The following ADAM12 variants were observed in gnomAD, a reference collection of about 807,000 sequenced individuals.
ADAM12 encodes disintegrin and metalloproteinase domain-containing protein 12.
ADAM12 carries 70 observed loss-of-function variants against 106.4 expected under a neutral mutation model. The observed-to-expected ratio is 0.66, with a 90% CI of 0.54 to 0.80. The LOEUF is 0.80. Ranked by LOEUF, ADAM12 falls within the 30% of genes least tolerant of loss-of-function variation. The pLI, the probability that ADAM12 is intolerant of heterozygous loss-of-function variation, is 0.00. For missense variants in ADAM12, 1,010 were observed against 1,171.9 expected, an observed-to-expected ratio of 0.86 and a Z score of 2.02; for synonymous variants, 420 against 433.5, an observed-to-expected ratio of 0.97 and a Z score of 0.39.
intron 2 of ADAM12, among the ~76,000 whole-genome samples, chr10:126,293,338 A>G (rs557805947): frequency 6.6e-6 from 1 of 151,676 alleles, no homozygotes; most frequent in Non-Finnish European, 1.5e-5. Flanking sequence ...GCCCTATGGG[A>G]TCCACACATG....
At chr10:126,194,195 G>A (rs559262265) in intron 3 of ADAM12, among the ~76,000 whole-genome samples, 1 of 150,408 alleles carries the variant, frequency 6.6e-6, no homozygotes, top group Admixed American at 6.7e-5. Flanking sequence ...AAACTTTGGA[G>A]TGGCTCAGTT....
intron 3 of ADAM12, among the ~76,000 whole-genome samples, chr10:126,276,361 C>T (rs1305239684): frequency 6.6e-6 from 1 of 152,164 alleles, no homozygotes; most frequent in Admixed American, 6.6e-5. Context: ...GGGCCAATGG[C>T]TATGCAAATT....
chr10:126,116,647 C>T (rs180902627), intron 6 of ADAM12, among the ~76,000 whole-genome samples: 259 of 151,782 alleles, frequency 1.7e-3, no homozygotes, highest in Non-Finnish European at 3.3e-3. Flanking sequence ...GGGCAGGAAA[C>T]GAAAAAGAGG....
chr10:126,248,685 G>GTATTTATTTATTTATT (rs141233066), intron 3 of ADAM12, among the ~76,000 whole-genome samples: 8 of 67,096 alleles, frequency 1.2e-4, no homozygotes, highest in African/African-American at 5.3e-4. Context: ...ATGTATGTAT[G>GTATTTATTTATTTATT]TATTTATTTA....
At chr10:126,381,201 A>T (rs973858298) in intron 1 of ADAM12, among the ~76,000 whole-genome samples, 1 of 152,244 alleles carries the variant, frequency 6.6e-6, no homozygotes, top group African/African-American at 2.4e-5. Context: ...GAAAGTGCCA[A>T]ATGACAAGTG....
chr10:126,179,214 G>A (rs1957271878), intron 3 of ADAM12, among the ~76,000 whole-genome samples: 1 of 152,200 alleles, frequency 6.6e-6, no homozygotes, highest in Non-Finnish European at 1.5e-5. Flanking sequence ...AGTGAAGCGG[G>A]TTAGCTGCTC....
chr10:126,360,465 AC>A (rs1855704893), intron 1 of ADAM12, among the ~76,000 whole-genome samples: 1 of 152,130 alleles, frequency 6.6e-6, no homozygotes, highest in African/African-American at 2.4e-5. Flanking sequence ...TCCTCCAGAT[AC>A]CCTAAATCAT....
chr10:126,045,964 A>T, intron 17 of ADAM12, 91 bp downstream of exon 17: 3 of 1,163,922 alleles, frequency 2.6e-6, no homozygotes, highest in Non-Finnish European at 3.9e-6. Flanking sequence ...TATTTAAAAA[A>T]TGCTATGGAT....
intron 1 of ADAM12, among the ~76,000 whole-genome samples, chr10:126,331,466 C>CAGTT (rs1430247649): frequency 2.0e-5 from 3 of 152,178 alleles, no homozygotes; most frequent in Non-Finnish European, 2.9e-5. Context: ...AGACATTTTA[C>CAGTT]AGTTCCCCAA....
At chr10:126,334,152 G>A (rs1358117135) in intron 1 of ADAM12, among the ~76,000 whole-genome samples, 1 of 152,130 alleles carries the variant, frequency 6.6e-6, no homozygotes, top group Non-Finnish European at 1.5e-5. Context: ...CAGCTGTGAG[G>A]TATCAGAATA....
chr10:126,151,575 T>G (rs903955163), intron 4 of ADAM12, among the ~76,000 whole-genome samples: 1 of 152,128 alleles, frequency 6.6e-6, no homozygotes, highest in Non-Finnish European at 1.5e-5. Flanking sequence ...ATTTTGTGCA[T>G]GCTCTTTTTC....
intron 3 of ADAM12, among the ~76,000 whole-genome samples, chr10:126,201,567 C>T (rs533421835): frequency 8.5e-5 from 13 of 152,206 alleles, no homozygotes; most frequent in African/African-American, 2.2e-4. Context: ...TCCAGAGCTG[C>T]GAGAGACCGA....
At chr10:126,192,844 T>G (rs1307406806) in intron 3 of ADAM12, among the ~76,000 whole-genome samples, 1 of 152,258 alleles carries the variant, frequency 6.6e-6, no homozygotes, top group African/African-American at 2.4e-5. Context: ...TTGACTGGTC[T>G]AGAGCTGCGG....
intron 2 of ADAM12, among the ~76,000 whole-genome samples, chr10:126,311,013 CCT>C (rs1257353151): frequency 6.6e-6 from 1 of 151,792 alleles, no homozygotes. Flanking sequence ...TAGGATGCCT[CCT>C]CTGAGCTGAG....
chr10:126,305,262 CAAT>C (rs368433472), intron 2 of ADAM12, among the ~76,000 whole-genome samples: 4 of 152,040 alleles, frequency 2.6e-5, no homozygotes, highest in African/African-American at 7.2e-5. Context: ...GAATATCCAA[CAAT>C]GAGTTACTAC....
At chr10:126,355,422 A>G (rs1377473543) in intron 1 of ADAM12, among the ~76,000 whole-genome samples, 1 of 152,236 alleles carries the variant, frequency 6.6e-6, no homozygotes, top group Admixed American at 6.5e-5. Context: ...ACCCACAGAA[A>G]TTTCAACTAG....
chr10:126,173,842 G>A (rs1257213161), intron 3 of ADAM12, among the ~76,000 whole-genome samples: 2 of 151,978 alleles, frequency 1.3e-5, no homozygotes, highest in Admixed American at 6.6e-5. Context: ...CTCAGGCCAA[G>A]GGAGTCAGCA....
At chr10:126,216,623 G>A (rs764614208) in intron 3 of ADAM12, among the ~76,000 whole-genome samples, 4 of 152,194 alleles carry the variant, frequency 2.6e-5, no homozygotes, top group Admixed American at 1.3e-4. Flanking sequence ...CATGTGAAAC[G>A]CATCACACTG....
intron 3 of ADAM12, among the ~76,000 whole-genome samples, chr10:126,176,889 G>C (rs543411420): frequency 6.6e-6 from 1 of 152,234 alleles, no homozygotes; most frequent in Admixed American, 6.5e-5. Context: ...AAAGCATGGA[G>C]AGAAATTGGC....
Sources: gnomAD v4.1 joint callset for allele counts (sites outside exome capture counted in the v4.1 genomes callset) on GRCh38, gnomAD v4.1.1 for gene constraint, MANE v1.5 for transcripts, NCBI Gene and HGNC (gene_info 2026-07-23, HGNC 2026-07-21) for gene names.